Variants in GALNT13 observed in about 807,000 individuals in gnomAD.
GALNT13 encodes UDP-GalNAc:polypeptide N-acetylgalactosaminyltransferase 13.
GALNT13 carries 28 observed loss-of-function variants against 64.2 expected under a neutral mutation model. That is an observed-to-expected ratio of 0.44 (90% CI 0.32 to 0.60). GALNT13 has a LOEUF of 0.60. GALNT13 is among the 20% of genes least tolerant of loss of function. The pLI, the probability that GALNT13 is intolerant of heterozygous loss-of-function variation, is 0.05. For missense variants in GALNT13, 577 were observed against 669.8 expected, an observed-to-expected ratio of 0.86 and a Z score of 1.53; for synonymous variants, 214 against 224.6, an observed-to-expected ratio of 0.95 and a Z score of 0.42.
At chr2:153,271,389 A>G in the GALNT13 span, among the ~76,000 whole-genome samples, 472 of 152,296 alleles carry the variant, frequency 3.1e-3, 1 homozygote, top group African/African-American at 0.011. Flanking sequence ...ACAGCCTCAA[A>G]TCTCCTTAAG....
chr2:153,112,044 G>A, the GALNT13 span, among the ~76,000 whole-genome samples: 3 of 152,002 alleles, frequency 2.0e-5, no homozygotes, highest in African/African-American at 7.2e-5. Flanking sequence ...ACCAAATCAA[G>A]TGACTGCCTG....
At chr2:153,837,552 A>G in the GALNT13 span, among the ~76,000 whole-genome samples, 2 of 152,034 alleles carry the variant, frequency 1.3e-5, no homozygotes, top group Admixed American at 1.3e-4. Context: ...AATGTTTTCT[A>G]GATTCATCCA....
intron 3 of GALNT13, among the ~76,000 whole-genome samples, chr2:154,077,462 A>C (rs1466372382): frequency 6.6e-6 from 1 of 151,550 alleles, no homozygotes; most frequent in African/African-American, 2.4e-5. Flanking sequence ...AAGACACAAA[A>C]AATTATTCCA....
intron 4 of GALNT13, among the ~76,000 whole-genome samples, chr2:154,184,347 ACTCT>A (rs1376031802): frequency 1.3e-5 from 2 of 151,818 alleles, no homozygotes; most frequent in Non-Finnish European, 2.9e-5. Flanking sequence ...CCATTCAGTG[ACTCT>A]CTGTGTTTTG....
the GALNT13 span, chr2:153,356,394 G>C: frequency 3.3e-5 from 5 of 152,326 alleles, no homozygotes; most frequent in South Asian, 4.1e-4. Context: ...TCAGTTTTAT[G>C]TCAATGTAGT....
At chr2:154,386,346 G>A (rs931809643) in intron 9 of GALNT13, among the ~76,000 whole-genome samples, 4 of 152,056 alleles carry the variant, frequency 2.6e-5, no homozygotes, top group Admixed American at 2.6e-4. Context: ...GAAGCAGGTG[G>A]TAAGTAAGGC....
chr2:153,373,132 T>TTGTG, the GALNT13 span, among the ~76,000 whole-genome samples: 7,114 of 148,810 alleles, frequency 0.048, 501 homozygotes, highest in African/African-American at 0.15. Flanking sequence ...TTCTGTTGCT[T>TTGTG]TGTGTGTGTG....
At chr2:153,097,728 T>C in the GALNT13 span, among the ~76,000 whole-genome samples, 1 of 152,190 alleles carries the variant, frequency 6.6e-6, no homozygotes, top group Non-Finnish European at 1.5e-5. Context: ...TCTTTCCTAA[T>C]TTTTGGTATT....
chr2:153,500,452 T>C, the GALNT13 span, among the ~76,000 whole-genome samples: 6 of 152,284 alleles, frequency 3.9e-5, no homozygotes, highest in Admixed American at 6.5e-5. Context: ...TTGGTCTTAT[T>C]TTTTCAAAAA....
At chr2:153,527,003 AAAG>A in the GALNT13 span, among the ~76,000 whole-genome samples, 1 of 152,160 alleles carries the variant, frequency 6.6e-6, no homozygotes. Context: ...AGACAAAAGC[AAAG>A]AAGAATTAAA....
At chr2:153,135,262 C>G in the GALNT13 span, among the ~76,000 whole-genome samples, 2 of 152,126 alleles carry the variant, frequency 1.3e-5, no homozygotes, top group African/African-American at 2.4e-5. Flanking sequence ...CCTCATTTAA[C>G]TGTAATTTCC....
At chr2:153,642,674 A>G in the GALNT13 span, among the ~76,000 whole-genome samples, 5 of 152,042 alleles carry the variant, frequency 3.3e-5, no homozygotes, top group South Asian at 2.1e-4. Context: ...AGCAGTTTGC[A>G]ATTTATTGAT....
chr2:153,162,696 A>G, the GALNT13 span, among the ~76,000 whole-genome samples: 1 of 152,226 alleles, frequency 6.6e-6, no homozygotes, highest in Admixed American at 6.5e-5. Context: ...TGACGATGCC[A>G]TTGTTCCAGG....
intron 8 of GALNT13, among the ~76,000 whole-genome samples, chr2:154,280,256 C>T (rs770365104): frequency 6.6e-6 from 1 of 152,058 alleles, no homozygotes; most frequent in African/African-American, 2.4e-5. Context: ...CTTTAATATG[C>T]CCAGTTTTGA....
the GALNT13 span, among the ~76,000 whole-genome samples, chr2:153,765,766 G>A: frequency 6.6e-6 from 1 of 152,096 alleles, no homozygotes; most frequent in African/African-American, 2.4e-5. Flanking sequence ...ATCCCCTCAT[G>A]TCCAGGGTGG....
chr2:153,481,510 A>G, the GALNT13 span, among the ~76,000 whole-genome samples: 1 of 152,210 alleles, frequency 6.6e-6, no homozygotes, highest in Non-Finnish European at 1.5e-5. Flanking sequence ...TGCAGGGAGC[A>G]TACTGGTAAT....
intron 3 of GALNT13, among the ~76,000 whole-genome samples, chr2:153,955,732 G>A (rs1163025945): frequency 6.6e-6 from 1 of 152,142 alleles, no homozygotes; most frequent in Non-Finnish European, 1.5e-5. Flanking sequence ...GCCAGAGGTG[G>A]AAGAAAACAG....
chr2:153,398,761 G>C, the GALNT13 span, among the ~76,000 whole-genome samples: 3 of 140,472 alleles, frequency 2.1e-5, no homozygotes, highest in Admixed American at 1.4e-4. Context: ...CCCACTTTTT[G>C]ATGGGGTTGT....
At chr2:153,597,467 C>A in the GALNT13 span, among the ~76,000 whole-genome samples, 2 of 152,014 alleles carry the variant, frequency 1.3e-5, no homozygotes, top group Admixed American at 1.3e-4. Flanking sequence ...TGCCTTACAT[C>A]TTTAAAAAAA....
Sources: gnomAD v4.1 joint callset for allele counts (sites outside exome capture counted in the v4.1 genomes callset) on GRCh38, gnomAD v4.1.1 for gene constraint, MANE v1.5 for transcripts, NCBI Gene and HGNC (gene_info 2026-07-23, HGNC 2026-07-21) for gene names.